Variants in TTC39B observed in about 807,000 individuals in gnomAD.
TTC39B encodes tetratricopeptide repeat domain 39B, also known as tetratricopeptide repeat protein 39B.
TTC39B carries 92 observed loss-of-function variants against 96.6 expected under a neutral mutation model. That is an observed-to-expected ratio of 0.95 (90% confidence interval 0.80 to 1.13). The LOEUF is 1.13. Ranked by LOEUF, TTC39B falls within the 50% of genes most tolerant of loss-of-function variation. The pLI is 0.00. For synonymous variants in TTC39B, 367 were observed against 299.4 expected (o/e 1.23, Z -2.33); for missense variants, 955 against 809.3 (o/e 1.18, Z -2.18).
At chr9:15,239,565 G>A (rs1821945663) in intron 2 of TTC39B, among the ~76,000 whole-genome samples, 1 of 152,210 alleles carries the variant, frequency 6.6e-6, no homozygotes, top group African/African-American at 2.4e-5. Flanking sequence ...AATAGATACA[G>A]AATGGAATAC....
At chr9:15,246,285 C>A (rs977990826) in intron 2 of TTC39B, among the ~76,000 whole-genome samples, 1 of 152,002 alleles carries the variant, frequency 6.6e-6, no homozygotes, top group Admixed American at 6.6e-5. Flanking sequence ...AATAAATCAC[C>A]AGAGTCACAT....
At chr9:15,294,409 C>A (rs889969058) in intron 1 of TTC39B, among the ~76,000 whole-genome samples, 3 of 152,200 alleles carry the variant, frequency 2.0e-5, no homozygotes, top group Admixed American at 6.5e-5. Context: ...CCTGAAAACC[C>A]TGTAAGAACT....
At chr9:15,182,540 C>T in intron 16 of TTC39B, 125 bp from the exon 17 acceptor site, 1 of 564,026 alleles carries the variant, frequency 1.8e-6, no homozygotes, top group South Asian at 3.2e-5. Context: ...ATTTACAGAT[C>T]ATTTTCCTTT....
At chr9:15,165,854 G>A (rs1817508382) in exon 20 of TTC39B, 1 of 152,186 alleles carries the variant, frequency 6.6e-6, no homozygotes, top group Non-Finnish European at 1.5e-5. Flanking sequence ...TTTGGGTAGA[G>A]ACACAACCAA....
intron 2 of TTC39B, among the ~76,000 whole-genome samples, chr9:15,252,658 AAG>A (rs2131511565): frequency 6.6e-6 from 1 of 152,342 alleles, no homozygotes; most frequent in African/African-American, 2.4e-5. Flanking sequence ...CAAAAAAAAA[AAG>A]GATATTAGGT....
intron 17 of TTC39B, among the ~76,000 whole-genome samples, chr9:15,179,839 T>A (rs1427083414): frequency 3.9e-5 from 6 of 152,200 alleles, no homozygotes; most frequent in Admixed American, 3.9e-4. Flanking sequence ...GCATGTAACT[T>A]CTATGACGAA....
intron 2 of TTC39B, among the ~76,000 whole-genome samples, chr9:15,255,055 C>T (rs958712762): frequency 3.3e-5 from 5 of 152,044 alleles, no homozygotes; most frequent in African/African-American, 1.2e-4. Context: ...ATTTTTCATT[C>T]TAACTATAAC....
At chr9:15,189,690 T>C in intron 12 of TTC39B, 35 bp downstream of exon 12, 1 of 1,614,070 alleles carries the variant, frequency 6.2e-7, no homozygotes, top group Non-Finnish European at 8.5e-7. Flanking sequence ...TGATTAATTA[T>C]GGTTGAAACA....
At chr9:15,280,853 C>A (rs1438666640) in intron 1 of TTC39B, among the ~76,000 whole-genome samples, 1 of 152,168 alleles carries the variant, frequency 6.6e-6, no homozygotes, top group East Asian at 1.9e-4. Flanking sequence ...TAGTAGAATG[C>A]CTCTCTCAGG....
At chr9:15,190,777 C>T (rs7848147) in intron 10 of TTC39B, 115 bp from the exon 11 acceptor site, 290,829 of 829,334 alleles carry the variant, frequency 0.35, 59,103 homozygotes, top group African/African-American at 0.69. Flanking sequence ...TCATATATTA[C>T]GCTGTGGTGA....
At chr9:15,261,175 G>A (rs1013090599) in intron 2 of TTC39B, among the ~76,000 whole-genome samples, 1 of 152,118 alleles carries the variant, frequency 6.6e-6, no homozygotes, top group South Asian at 2.1e-4. Flanking sequence ...TTATGAGAAA[G>A]AGGTTAATCA....
At chr9:15,202,944 A>G (rs1819628387) in intron 7 of TTC39B, among the ~76,000 whole-genome samples, 1 of 152,188 alleles carries the variant, frequency 6.6e-6, no homozygotes, top group African/African-American at 2.4e-5. Flanking sequence ...CAGAGGTGAA[A>G]TTAAAATGGA....
chr9:15,176,037 A>G (rs187475975), intron 18 of TTC39B, among the ~76,000 whole-genome samples: 2 of 152,372 alleles, frequency 1.3e-5, no homozygotes, highest in East Asian at 3.9e-4. Context: ...GCCTGCCCAC[A>G]TTGAATGTGC....
chr9:15,217,905 G>A (rs771954642), intron 3 of TTC39B, among the ~76,000 whole-genome samples: 4 of 152,068 alleles, frequency 2.6e-5, no homozygotes, highest in Non-Finnish European at 4.4e-5. Context: ...GATGAGCAAG[G>A]CAATTTAAAA....
At chr9:15,204,222 A>AGTAACATAAGGAAACC (rs1819710681) in intron 6 of TTC39B, among the ~76,000 whole-genome samples, 1 of 152,216 alleles carries the variant, frequency 6.6e-6, no homozygotes, top group African/African-American at 2.4e-5. Context: ...CTTATTTTTT[A>AGTAACATAAGGAAACC]ACTTAATTAG....
intron 2 of TTC39B, among the ~76,000 whole-genome samples, chr9:15,230,878 G>A (rs536544029): frequency 1.1e-4 from 17 of 152,098 alleles, no homozygotes; most frequent in East Asian, 1.9e-4. Context: ...CCAGCTACTC[G>A]GGAGGCTGAG....
chr9:15,230,021 G>T (rs1009514161), intron 2 of TTC39B, among the ~76,000 whole-genome samples: 3 of 152,040 alleles, frequency 2.0e-5, no homozygotes, highest in Non-Finnish European at 4.4e-5. Flanking sequence ...CATTTATTCA[G>T]GTCTTCTCTT....
At chr9:15,261,258 C>G (rs748887820) in intron 2 of TTC39B, among the ~76,000 whole-genome samples, 11 of 152,088 alleles carry the variant, frequency 7.2e-5, no homozygotes, top group Non-Finnish European at 1.0e-4. Context: ...GTGGGAGGAT[C>G]ACTTGAGTCC....
chr9:15,179,722 C>G (rs1403678872), intron 17 of TTC39B, among the ~76,000 whole-genome samples: 4 of 152,128 alleles, frequency 2.6e-5, no homozygotes, highest in African/African-American at 4.8e-5. Flanking sequence ...TTTCCTGTAG[C>G]ATTGTATCGA....
Sources: allele counts gnomAD v4.1 joint callset (sites outside exome capture counted in the v4.1 genomes callset), GRCh38; gene constraint gnomAD v4.1.1; transcripts MANE v1.5; gene names NCBI Gene and HGNC (gene_info 2026-07-23, HGNC 2026-07-21).